The following EVC variants were observed in gnomAD, a reference collection of about 807,000 sequenced individuals.
EVC encodes the protein EvC ciliary complex subunit 1.
In EVC, 116 loss-of-function variants were observed where a neutral mutation model predicts 118.9. That is an observed-to-expected ratio of 0.98 (90% CI 0.84 to 1.14). EVC has a LOEUF of 1.14. EVC is among the 50% of genes most tolerant of loss of function. The pLI, the probability that EVC is intolerant of heterozygous loss-of-function variation, is 0.00. For synonymous variants in EVC, 619 were observed against 534.7 expected, an observed-to-expected ratio of 1.16 and a Z score of -2.18; for missense variants, 1,401 against 1,246.4, an observed-to-expected ratio of 1.12 and a Z score of -1.87.
chr4:5,756,373 T>C lies in EVC; in HGVS notation c.1563+11T>C. 6.3e-7 allele frequency: 1 copy of C among 1,599,378 alleles called. No individual in the cohort carries two copies. The highest frequency in any genetic ancestry group is 8.5e-7 in the Non-Finnish European group (1 of 1,171,766). On this transcript the variant is annotated intron_variant, in intron 11 of 20. Transcript: ENST00000264956. This position sits in a 1 kb window ranked among gnomAD's most constrained non-coding sequence, Gnocchi z 4.2. ...GTTGCACTCTGCCAGGTACATGGCC[T>C]CTGTGGGGACCAGCAGAGAAGCCCC... is the stretch of plus-strand genomic sequence containing the variant.
chr4:5,782,682 A>G (rs1310575397), intron 11 of EVC, among the ~76,000 whole-genome samples: 4 of 151,740 alleles, frequency 2.6e-5, no homozygotes, highest in Admixed American at 2.6e-4. Flanking sequence ...CAACAGAATG[A>G]TAAGACAAGA....
intron 5 of EVC, among the ~76,000 whole-genome samples, chr4:5,739,123 T>C (rs1421792953): frequency 6.6e-6 from 1 of 152,188 alleles, no homozygotes; most frequent in African/African-American, 2.4e-5. Context: ...GCTTGTATTA[T>C]TTTTGTACCT....
chr4:5,717,016 C>T (rs2151824161), intron 1 of EVC, among the ~76,000 whole-genome samples: 1 of 152,248 alleles, frequency 6.6e-6, no homozygotes, highest in Middle Eastern at 3.4e-3. Context: ...TTTGGAACGT[C>T]CTTTTGATCG....
chr4:5,804,009 C>T (rs1041146820), intron 16 of EVC, among the ~76,000 whole-genome samples: 9 of 150,800 alleles, frequency 6.0e-5, no homozygotes, highest in Admixed American at 1.3e-4. Context: ...GGCATGATTT[C>T]GGCTCACTGC....
rs985167212 is a variant in EVC at position 5,743,772 on chromosome 4, A to G, written c.802-1432A>G. ...TCAGGCAGTGCACGTCGTGCTTGAC[A>G]TACATTATTTCATTTAATAGTTATG... is the stretch of plus-strand genomic sequence containing the variant. On this transcript the variant is annotated intron_variant, in intron 6 of 20. Transcript: ENST00000264956. The surrounding 1 kb of genome is among the most constrained non-coding windows in gnomAD (Gnocchi z 4.7). Among the ~76,000 whole-genome samples the G allele has an allele frequency of 2.6e-5, 4 of 152,198 alleles. No individual in the cohort carries two copies. Among genetic ancestry groups the G allele is most frequent in the Non-Finnish European group, 4.4e-5 (3 of 68,032 alleles).
the EVC span, chr4:5,824,802 G>A: frequency 1.0e-6 from 1 of 985,230 alleles, no homozygotes; most frequent in Admixed American, 6.2e-5. Context: ...AGAGTTTGCA[G>A]GACAAAATTC....
Position 5,811,339 on chromosome 4 carries a change from G to A in EVC, c.*302G>A, listed in dbSNP as rs560005309. On this transcript the variant is annotated 3_prime_UTR_variant, in exon 21 of 21. Coordinates refer to ENST00000264956, the MANE Select transcript of EVC (RefSeq NM_153717.3). ...CAAGGAGGGACGTCTTGAGGGGTCC[G>A]AGCCTCAGGCCAAGGACCCCTGATG... 1.1e-4 allele frequency: 45 copies of A among 400,522 alleles called. No homozygotes were observed. Among genetic ancestry groups the A allele is most frequent in the African/African-American group, 7.4e-4 (36 of 48,864 alleles). The allele number at this position is 400,522 out of a possible 1,614,324, so 24.8% of individuals were successfully genotyped here.
At chr4:5,753,667 C>T (rs917135816) in intron 9 of EVC, 118 bp from the exon 10 acceptor site, 1 of 1,338,502 alleles carries the variant, frequency 7.5e-7, no homozygotes. Flanking sequence ...AGGGCGGGCA[C>T]CATCTCTGCA....
rs547679166 is a variant in EVC, at chr4:5,747,465, C to T, written c.940-683C>T. ...CTGTTCCTACACCTCTAGATACATA[C>T]TTTATCATGATATCAAATGTGTGAA... On this transcript the variant is annotated intron_variant, in intron 7 of 20. Coordinates refer to ENST00000264956, the MANE Select transcript of EVC (RefSeq NM_153717.3). Among the ~76,000 whole-genome samples the T allele has an allele frequency of 6.8e-4, 103 of 152,322 alleles. 1 individual carries two copies. The highest frequency in any genetic ancestry group is 4.6e-4 in the Non-Finnish European group (31 of 68,036).
intron 1 of EVC, among the ~76,000 whole-genome samples, chr4:5,713,966 C>T (rs1723510257): frequency 6.6e-6 from 1 of 152,196 alleles, no homozygotes; most frequent in Non-Finnish European, 1.5e-5. Context: ...CAGTGGCTTA[C>T]CTTCCCCTGA....
At chr4:5,713,504 C>A (rs980428755) in intron 1 of EVC, among the ~76,000 whole-genome samples, 8 of 152,000 alleles carry the variant, frequency 5.3e-5, no homozygotes, top group Admixed American at 3.9e-4. Flanking sequence ...ATGGTGAAAC[C>A]CTGCCTCTAC....
intron 15 of EVC, among the ~76,000 whole-genome samples, chr4:5,801,059 A>G (rs952028265): frequency 6.6e-6 from 1 of 152,200 alleles, no homozygotes; most frequent in Non-Finnish European, 1.5e-5. Flanking sequence ...CAATGATGGG[A>G]TGTCTCAGGG....
downstream of EVC, among the ~76,000 whole-genome samples, chr4:5,817,853 T>C (rs1036149984): frequency 2.6e-4 from 40 of 152,164 alleles, no homozygotes; most frequent in African/African-American, 9.2e-4. Flanking sequence ...TAGAACATGG[T>C]AGACCCTACT....
At chr4:5,711,707 A>T (rs1723056277) in intron 1 of EVC, among the ~76,000 whole-genome samples, 153 bp downstream of exon 1, 1 of 152,170 alleles carries the variant, frequency 6.6e-6, no homozygotes, top group African/African-American at 2.4e-5. Context: ...CTTCTGCTCC[A>T]GGAGGGAGGT....
At chr4:5,802,232 C>T (rs539383540) in intron 16 of EVC, 138 bp downstream of exon 16, 518 of 1,265,818 alleles carry the variant, frequency 4.1e-4, no homozygotes, top group African/African-American at 2.5e-3. Context: ...GTATTTATCC[C>T]GTGCTTTGTC....
intron 11 of EVC, among the ~76,000 whole-genome samples, chr4:5,767,019 C>G (rs1018475485): frequency 8.0e-5 from 12 of 150,204 alleles, no homozygotes; most frequent in Non-Finnish European, 1.8e-4. Context: ...GTTTTTTCCC[C>G]ATCTTTGTGG....
chr4:5,715,169 C>A (rs1004942539), intron 1 of EVC, among the ~76,000 whole-genome samples: 8 of 152,158 alleles, frequency 5.3e-5, no homozygotes, highest in African/African-American at 1.9e-4. Context: ...AACTCTCCCC[C>A]ACATATGTGC....
At position 5,798,726 on chromosome 4, in the gene EVC, G is replaced by A. The variant is rs2152345873; in HGVS notation, c.2238G>A (p.Gln746=). 1 of 1,610,998 alleles carries A rather than the reference G, an allele frequency of 6.2e-7. No individual in the cohort carries two copies. Among genetic ancestry groups the A allele is most frequent in the East Asian group, 2.2e-5 (1 of 44,852 alleles). The part of the protein sequence containing the change: ...LQQHMECAIG[Q]ALLVHARNAA... ...AGCACATGGAGTGCGCCATTGGGCA[G>A]GCGCTGCTGGTGCATGCACGGAATG... The change falls in exon 15 of 21, where the codon CAG becomes CAA. Residue 746 remains glutamine, a synonymous_variant. Transcript: ENST00000264956. This position sits in a 1 kb window ranked among gnomAD's most constrained non-coding sequence, Gnocchi z 4.1.
intron 4 of EVC, among the ~76,000 whole-genome samples, chr4:5,732,195 G>A (rs1002852459): frequency 2.0e-5 from 3 of 152,228 alleles, no homozygotes; most frequent in Non-Finnish European, 4.4e-5. Flanking sequence ...TGACGGAGCC[G>A]GATTTGACCC....
Sources: allele counts gnomAD v4.1 joint callset (sites outside exome capture counted in the v4.1 genomes callset), GRCh38; gene constraint gnomAD v4.1.1; non-coding constraint Gnocchi (gnomAD v3.1); transcripts MANE v1.5; gene names NCBI Gene and HGNC (gene_info 2026-07-23, HGNC 2026-07-21).